PRAMEF4: variants seen among roughly 807,000 people sequenced by gnomAD.
PRAMEF4 encodes PRAME family member 4, also known as RP5-845O24.6.
PRAMEF4 carries 18 observed loss-of-function variants against 34.4 expected under a neutral mutation model. The ratio of observed to expected loss-of-function variants is 0.52; its 90% CI spans 0.36 to 0.78. PRAMEF4 has a LOEUF of 0.78. Ranked by LOEUF, PRAMEF4 falls within the 30% of genes least tolerant of loss-of-function variation. The pLI is 0.00. For synonymous variants in PRAMEF4, 156 were observed against 219.3 expected (o/e 0.71, Z 2.55); for missense variants, 482 against 569.1 (o/e 0.85, Z 1.56).
chr1:12,880,954 T>A (rs947194844), intron 3 of PRAMEF4, among the ~76,000 whole-genome samples: 1 of 147,212 alleles, frequency 6.8e-6, no homozygotes, highest in African/African-American at 2.6e-5. Flanking sequence ...AGAGATGGGA[T>A]CATTCATGTT....
At chr1:12,880,877 A>C (rs1640874806) in intron 3 of PRAMEF4, among the ~76,000 whole-genome samples, 1 of 146,276 alleles carries the variant, frequency 6.8e-6, no homozygotes, top group Admixed American at 7.0e-5. Context: ...CCTCTGTTTC[A>C]GAATCATGCA....
In PRAMEF4 at chr1:12,880,076, G is replaced by C; in HGVS notation, c.905C>G (p.Thr302Arg). 2 of 1,527,436 alleles carry C rather than the reference G, an allele frequency of 1.3e-6. No homozygotes were observed. The highest frequency in any genetic ancestry group is 1.8e-6 in the Non-Finnish European group (2 of 1,113,732). The allele number at this position is 1,527,436 out of a possible 1,614,324, so 94.6% of individuals were successfully genotyped here. Residue 302 changes from threonine (T) to arginine (R), a missense_variant, in exon 4 of 4, where the codon ACA (threonine) becomes AGA (arginine). Thr to Arg is a moderately conservative substitution (Grantham distance 71). Coordinates refer to ENST00000235349, the MANE Select transcript of PRAMEF4 (RefSeq NM_001009611.4). ...SCLKTSLKFLTITNCVLLESD... is the reference protein window; with the variant it reads ...SCLKTSLKFLRITNCVLLESD... Reference sequence around the variant, plus strand: ...TTCCAAAAGCACACAGTTAGTTATTGTGAGGAACTTTAACGAGGTCTTCAG... The same window carrying C: ...TTCCAAAAGCACACAGTTAGTTATTCTGAGGAACTTTAACGAGGTCTTCAG...
At chr1:12,884,250 C>G (rs1437353164) in intron 1 of PRAMEF4, among the ~76,000 whole-genome samples, 2 of 148,428 alleles carry the variant, frequency 1.3e-5, no homozygotes, top group Non-Finnish European at 3.0e-5. Flanking sequence ...CTCCTAGTCT[C>G]AAGCAATCTA....
At chr1:12,880,727 G>T (rs1304718817) in intron 3 of PRAMEF4, among the ~76,000 whole-genome samples, 1 of 147,654 alleles carries the variant, frequency 6.8e-6, no homozygotes, top group Non-Finnish European at 1.5e-5. Context: ...GAGCCCAGTG[G>T]AGATTCAGGC....
At chr1:12,884,340 A>T (rs1056381276) in intron 1 of PRAMEF4, among the ~76,000 whole-genome samples, 1 of 149,344 alleles carries the variant, frequency 6.7e-6, no homozygotes, top group Non-Finnish European at 1.5e-5. Context: ...TTCAGTGAGA[A>T]GCTTTGAAAG....
At chr1:12,882,617 G>A (rs1208990314) in intron 2 of PRAMEF4, among the ~76,000 whole-genome samples, 182 bp from the exon 3 acceptor site, 1 of 146,354 alleles carries the variant, frequency 6.8e-6, no homozygotes, top group African/African-American at 2.5e-5. Context: ...TTGAGACCAA[G>A]TCTCCCTGTG....
chr1:12,885,925 C>G lies in PRAMEF4; in HGVS notation c.-17+222G>C, dbSNP rs554561992. Among the ~76,000 whole-genome samples the G allele has an allele frequency of 4.9e-3, 469 of 96,376 alleles. 7 individuals carry two copies. The highest frequency in any genetic ancestry group is 6.9e-3 in the Non-Finnish European group (355 of 51,698). The allele number at this position is 96,376 out of a possible 152,430, so 63.2% of individuals were successfully genotyped here. On this transcript the variant is annotated intron_variant, in intron 1 of 3. Transcript: ENST00000235349. ...TAAAGGCATGAGTCACTGCTCCCTT[C>G]AAGAATTTTAAAATGGCATCAACCA...
rs1215589538 is a variant in PRAMEF4, at chr1:12,881,751, C to T, written c.875+103G>A. The T allele has an allele frequency of 7.8e-6, 12 of 1,538,162 alleles. 1 individual carries two copies. The Admixed American group carries it at 1.8e-4, about 23-fold the overall frequency. ...TGCATGGACATTCTAGTGTCCCCTT[C>T]ACTGTTTCATCCTCATAGGCTGGCT... On this transcript the variant is annotated intron_variant, in intron 3 of 3. Coordinates refer to ENST00000235349, the MANE Select transcript of PRAMEF4 (RefSeq NM_001009611.4).
chr1:12,881,565 C>G (rs1239689891), intron 3 of PRAMEF4, among the ~76,000 whole-genome samples: 2 of 143,920 alleles, frequency 1.4e-5, no homozygotes, highest in Non-Finnish European at 3.0e-5. Context: ...CACACGTCCT[C>G]AGGAAGAATT....
At position 12,885,830 on chromosome 1, in the gene PRAMEF4, T is replaced by C. The variant is rs1640992438; in HGVS notation, c.-17+317A>G. ...TGTGCAGAGGAGGGTTTTTGTCATGTTGTCCAGGTTGGTCTCAAATCCCTG... is the reference window on the plus strand; with the variant it reads ...TGTGCAGAGGAGGGTTTTTGTCATGCTGTCCAGGTTGGTCTCAAATCCCTG... On this transcript the variant is annotated intron_variant, in intron 1 of 3. Transcript: ENST00000235349. Among the ~76,000 whole-genome samples the C allele has an allele frequency of 1.4e-5, 2 of 143,136 alleles. 1 individual carries two copies. Among genetic ancestry groups the C allele is most frequent in the African/African-American group, 5.3e-5 (2 of 37,542 alleles). The allele number at this position is 143,136 out of a possible 152,430, so 93.9% of individuals were successfully genotyped here. A position where few individuals can be genotyped will look rare whatever the true frequency, so the allele number is the denominator to read the frequency against.
At position 12,881,437 on chromosome 1, in the gene PRAMEF4, G is replaced by C. The variant is rs1736783; in HGVS notation, c.875+417C>G. On this transcript the variant is annotated intron_variant, in intron 3 of 3. Transcript: ENST00000235349. ...TTCTGACAGGGGTCTTGGTATGTTA[G>C]CCAGACTGGTCTTAAACTCCTAGGC... Among the ~76,000 whole-genome samples the C allele has an allele frequency of 3.3e-4, 49 of 149,348 alleles. 2 individuals are homozygous for C. In the East Asian group the frequency reaches 3.7e-3, roughly 11 times the overall value.
chr1:12,883,532 A>G, intron 1 of PRAMEF4, 122 bp from the exon 2 acceptor site: 3 of 1,315,892 alleles, frequency 2.3e-6, no homozygotes, highest in Non-Finnish European at 2.1e-6. Flanking sequence ...GTTTACTCCA[A>G]TTCTACTCTG....
At chr1:12,881,559 C>A (rs965271019) in intron 3 of PRAMEF4, among the ~76,000 whole-genome samples, 1 of 145,412 alleles carries the variant, frequency 6.9e-6, no homozygotes, top group African/African-American at 2.6e-5. Context: ...CTTAGACACA[C>A]GTCCTCAGGA....
rs1037555203 is a variant in PRAMEF4, at chr1:12,879,653, C to G, written c.1328G>C (p.Arg443Thr). ...FAQIRAELMNRVRDLRHPKRI... is the reference protein window; with the variant it reads ...FAQIRAELMNTVRDLRHPKRI... ...CTTGGGGTGCCTTAAGTCCCTCACT[C>G]TGTTCATCAGCTCAGCCCTAATTTG... The change falls in exon 4 of 4, where the codon AGA becomes ACA. Residue 443 changes from arginine to threonine, a missense_variant. By Grantham distance (71) the Arg-to-Thr change is moderately conservative. Coordinates refer to ENST00000235349, the MANE Select transcript of PRAMEF4 (RefSeq NM_001009611.4). 2 of 1,599,450 alleles carry G rather than the reference C, an allele frequency of 1.3e-6. No individual in the cohort carries two copies. The highest frequency in any genetic ancestry group is 3.5e-5 in the Admixed American group (2 of 57,428).
At position 12,884,075 on chromosome 1, in the gene PRAMEF4, C is replaced by G. The variant is rs967366623; in HGVS notation, c.-16-665G>C. 1.3e-4 allele frequency among the ~76,000 whole-genome samples: 19 copies of G among 146,426 alleles called. 3 individuals carry two copies. The highest frequency in any genetic ancestry group is 4.8e-4 in the African/African-American group (19 of 39,260). Reference sequence around the variant, plus strand: ...CCAGCCTGGAGTGTAGTGGTGGGATCTCAGCTCAGTGCAGCCTTGACCTCC... The same window carrying G: ...CCAGCCTGGAGTGTAGTGGTGGGATGTCAGCTCAGTGCAGCCTTGACCTCC... On this transcript the variant is annotated intron_variant, in intron 1 of 3. Transcript: ENST00000235349.
intron 2 of PRAMEF4, among the ~76,000 whole-genome samples, 162 bp from the exon 3 acceptor site, chr1:12,882,597 TG>T (rs375700658): frequency 6.8e-5 from 10 of 147,308 alleles, no homozygotes; most frequent in East Asian, 4.0e-4. Flanking sequence ...CACATTGTTT[TG>T]TTTTTTTTTT....
intron 1 of PRAMEF4, among the ~76,000 whole-genome samples, chr1:12,883,945 C>G (rs1051880373): frequency 1.4e-5 from 2 of 142,948 alleles, no homozygotes; most frequent in African/African-American, 5.2e-5. Context: ...CCCTCTCTCT[C>G]CCTTTTTTCT....
chr1:12,880,953 A>G (rs1333008624), intron 3 of PRAMEF4, among the ~76,000 whole-genome samples: 1 of 147,190 alleles, frequency 6.8e-6, no homozygotes, highest in Non-Finnish European at 1.5e-5. Flanking sequence ...TAGAGATGGG[A>G]TCATTCATGT....
chr1:12,884,705 T>C (rs897367591), intron 1 of PRAMEF4, among the ~76,000 whole-genome samples: 2 of 147,608 alleles, frequency 1.4e-5, no homozygotes, highest in African/African-American at 2.5e-5. Flanking sequence ...ATAGGCTAGA[T>C]TGAACAGAGA....
Sources: gnomAD v4.1 joint callset for allele counts (sites outside exome capture counted in the v4.1 genomes callset) on GRCh38, gnomAD v4.1.1 for gene constraint, MANE v1.5 for transcripts, NCBI Gene and HGNC (gene_info 2026-07-23, HGNC 2026-07-21) for gene names.